PEPD: variants seen among roughly 807,000 people sequenced by gnomAD.
PEPD encodes peptidase D, also known as xaa-Pro dipeptidase.
A neutral mutation model predicts 60.7 loss-of-function variants in PEPD; 53 were observed. The ratio of observed to expected loss-of-function variants is 0.87; its 90% CI spans 0.70 to 1.10. The LOEUF is 1.10. Ranked by LOEUF, PEPD falls within the 50% of genes least tolerant of loss-of-function variation. The probability of loss-of-function intolerance (pLI) is 0.00; values close to 1 mark genes in which losing one functional copy is unlikely to be tolerated. For missense variants in PEPD, 711 were observed against 711.9 expected, an observed-to-expected ratio of 1.00 and a Z score of 0.01; for synonymous variants, 267 against 284.1, an observed-to-expected ratio of 0.94 and a Z score of 0.60.
At chr19:33,417,574 T>C (rs1968916093) in intron 9 of PEPD, among the ~76,000 whole-genome samples, 2 of 152,158 alleles carry the variant, frequency 1.3e-5, no homozygotes, top group Non-Finnish European at 2.9e-5. Flanking sequence ...ATGGGGATGA[T>C]AGCGGTGCCT....
chr19:33,406,993 T>C (rs1485269321), intron 11 of PEPD, among the ~76,000 whole-genome samples: 1 of 152,038 alleles, frequency 6.6e-6, no homozygotes, highest in African/African-American at 2.4e-5. Context: ...GCCTGGCCCA[T>C]CGTCCTGAGA....
chr19:33,412,310 G>A (rs1968795947), intron 10 of PEPD, among the ~76,000 whole-genome samples: 1 of 152,094 alleles, frequency 6.6e-6, no homozygotes, highest in Non-Finnish European at 1.5e-5. Flanking sequence ...TCATGCCACC[G>A]CACTCCAGCC....
At chr19:33,425,095 T>C (rs1969112047) in intron 9 of PEPD, among the ~76,000 whole-genome samples, 1 of 151,890 alleles carries the variant, frequency 6.6e-6, no homozygotes, top group Non-Finnish European at 1.5e-5. Context: ...AGAGGCCAGG[T>C]GCAGTGGCTC....
At chr19:33,442,657 C>T (rs1969505767) in intron 9 of PEPD, among the ~76,000 whole-genome samples, 2 of 151,538 alleles carry the variant, frequency 1.3e-5, no homozygotes, top group East Asian at 3.9e-4. Flanking sequence ...TGCAGTGAGC[C>T]GAGATTGTGC....
chr19:33,518,492 G>T (rs1276253929), intron 1 of PEPD, among the ~76,000 whole-genome samples: 1 of 152,130 alleles, frequency 6.6e-6, no homozygotes, highest in Non-Finnish European at 1.5e-5. Flanking sequence ...CACGTCCAGG[G>T]CAGTTCACCT....
At chr19:33,423,817 T>C (rs1029991816) in intron 9 of PEPD, among the ~76,000 whole-genome samples, 2 of 152,248 alleles carry the variant, frequency 1.3e-5, no homozygotes, top group African/African-American at 4.8e-5. Flanking sequence ...TTTTATTGGC[T>C]AGATCTGTTA....
chr19:33,491,634 G>A (rs1031245004), intron 5 of PEPD, among the ~76,000 whole-genome samples: 3 of 152,160 alleles, frequency 2.0e-5, no homozygotes, highest in African/African-American at 7.2e-5. Context: ...TGCTGTGTCC[G>A]GTTTCCACTG....
intron 6 of PEPD, among the ~76,000 whole-genome samples, chr19:33,486,441 A>G (rs1970398420): frequency 6.6e-6 from 1 of 151,676 alleles, no homozygotes; most frequent in Admixed American, 6.6e-5. Context: ...GCCCCTACAG[A>G]CCATCCCGGC....
In PEPD at chr19:33,493,316, G is replaced by A; in HGVS notation, c.415C>T (p.Gln139Ter). The A allele has an allele frequency of 6.2e-7, 1 of 1,613,442 alleles. No homozygotes were observed. The highest frequency in any genetic ancestry group is 8.5e-7 in the Non-Finnish European group (1 of 1,179,452). ...AAAGTGAGGAGGACAGAGGGCTTCT[G>A]TGACGTCAGGACGCTGGCAATCTAG... Reference protein sequence around the residue: ...VDEIASVLTSQKPSVLLTLRG... With the variant: ...VDEIASVLTS The change falls in exon 5 of 15, where the codon CAG (glutamine) becomes TAG (stop). Residue 139 changes from glutamine (Q) to a stop codon, truncating the protein, a stop_gained. Coordinates refer to ENST00000244137, the MANE Select transcript of PEPD (RefSeq NM_000285.4). LOFTEE classifies it high-confidence loss of function.
intron 10 of PEPD, 35 bp downstream of exon 10, chr19:33,413,540 G>C: frequency 7.6e-7 from 1 of 1,319,304 alleles, no homozygotes; most frequent in Non-Finnish European, 1.1e-6. Context: ...TCCTCCCACT[G>C]GTCACCCCCA....
intron 9 of PEPD, among the ~76,000 whole-genome samples, chr19:33,444,696 C>T (rs545014231): frequency 6.6e-6 from 1 of 151,610 alleles, no homozygotes; most frequent in African/African-American, 2.4e-5. Context: ...ACTCACCCCC[C>T]AAAGCCAAGC....
intron 9 of PEPD, among the ~76,000 whole-genome samples, chr19:33,442,235 C>A (rs1228134915): frequency 6.6e-6 from 1 of 152,060 alleles, no homozygotes; most frequent in Non-Finnish European, 1.5e-5. Context: ...CCCATCTCTA[C>A]TAAAAATATG....
chr19:33,424,437 C>T (rs1306166366), intron 9 of PEPD, among the ~76,000 whole-genome samples: 1 of 152,236 alleles, frequency 6.6e-6, no homozygotes, highest in Non-Finnish European at 1.5e-5. Context: ...GCCAACTGTT[C>T]TCTGACTTAT....
chr19:33,387,888 AC>A lies in PEPD; in HGVS notation c.1344+1del, dbSNP rs1422247313. 6.4e-7 allele frequency: 1 copy of A among 1,557,488 alleles called. No individual in the cohort carries two copies. Among genetic ancestry groups the A allele is most frequent in the African/African-American group, 1.4e-5 (1 of 73,588 alleles). ...GCAAGAATGGGGCCCGTGGGCACTC[AC>A]CCCGCCAAAACCGCGAAAGCGCTGC... On this transcript the variant is annotated splice_donor_variant, in intron 14 of 14. Transcript: ENST00000244137. LOFTEE classifies it high-confidence loss of function.
rs144642879 is a variant in PEPD, at chr19:33,406,363, T to C, written c.819-4494A>G. 2.7e-3 allele frequency among the ~76,000 whole-genome samples: 415 copies of C among 152,244 alleles called. 2 individuals carry two copies. Among genetic ancestry groups the C allele is most frequent in the African/African-American group, 9.7e-3 (404 of 41,538 alleles). Reference sequence around the variant, plus strand: ...GTCTGCTCATAACCAGGCCTGTCCATGTGTATGAGGACGGGTGAGAATGGA... The same window carrying C: ...GTCTGCTCATAACCAGGCCTGTCCACGTGTATGAGGACGGGTGAGAATGGA... On this transcript the variant is annotated intron_variant, in intron 11 of 14. Transcript: ENST00000244137.
intron 9 of PEPD, among the ~76,000 whole-genome samples, chr19:33,453,534 C>T (rs1969739129): frequency 6.6e-6 from 1 of 152,132 alleles, no homozygotes; most frequent in African/African-American, 2.4e-5. Flanking sequence ...TTGTGTGTGT[C>T]AGCATTTTTT....
chr19:33,460,738 G>A (rs1969910497), intron 9 of PEPD, among the ~76,000 whole-genome samples: 1 of 152,174 alleles, frequency 6.6e-6, no homozygotes, highest in African/African-American at 2.4e-5. Flanking sequence ...ACGCTGACCC[G>A]ATGCCACTCA....
intron 9 of PEPD, among the ~76,000 whole-genome samples, chr19:33,422,115 G>A (rs1404542466): frequency 6.6e-6 from 1 of 151,934 alleles, no homozygotes; most frequent in Non-Finnish European, 1.5e-5. Flanking sequence ...GTCGAACTCC[G>A]CGCTGCTCCT....
intron 9 of PEPD, 100 bp downstream of exon 9, chr19:33,462,895 G>A: frequency 1.2e-6 from 1 of 800,108 alleles, no homozygotes; most frequent in Non-Finnish European, 2.3e-6. Context: ...TCCGCTCACG[G>A]TGTGTGTGCC....
Sources: allele counts gnomAD v4.1 joint callset (sites outside exome capture counted in the v4.1 genomes callset), GRCh38; gene constraint gnomAD v4.1.1; transcripts MANE v1.5; gene names NCBI Gene and HGNC (gene_info 2026-07-23, HGNC 2026-07-21).